Variants in ADCY10 observed in about 807,000 individuals in gnomAD.
The protein encoded by ADCY10 is adenylate cyclase type 10.
In ADCY10, 156 loss-of-function variants were observed where a neutral mutation model predicts 183.3. The ratio of observed to expected loss-of-function variants is 0.85; its 90% CI spans 0.75 to 0.97. The LOEUF is 0.97. ADCY10 is among the 50% of genes least tolerant of loss of function. ADCY10 has a pLI of 0.00. For synonymous variants in ADCY10, 645 were observed against 670.0 expected, an observed-to-expected ratio of 0.96 and a Z score of 0.58; for missense variants, 1,745 against 1,934.3, an observed-to-expected ratio of 0.90 and a Z score of 1.84.
At position 167,856,378 on chromosome 1, in the gene ADCY10, G is replaced by C. The variant is rs1395683105; in HGVS notation, c.1958C>G (p.Ser653Cys). 1 of 1,614,036 alleles carries C rather than the reference G, an allele frequency of 6.2e-7. No individual in the cohort carries two copies. The highest frequency in any genetic ancestry group is 1.3e-5 in the African/African-American group (1 of 74,912). Residue 653 changes from serine (S) to cysteine (C), a missense_variant, in exon 17 of 33, where the codon TCC becomes TGC. Coordinates refer to ENST00000367851, the MANE Select transcript of ADCY10 (RefSeq NM_018417.6). The part of the protein sequence containing the change: ...IDEAQFVDST[S>C]WRFMEKLIRT... ...GATAAGCTTCTCCATAAATCTCCAGGAGGTCGAATCCACAAACTGGGCCTC... is the reference window on the plus strand; with the variant it reads ...GATAAGCTTCTCCATAAATCTCCAGCAGGTCGAATCCACAAACTGGGCCTC...
chr1:167,829,253 C>G lies in ADCY10; in HGVS notation c.3750+14G>C, dbSNP rs1663534036. ...ATTCAGAAACTTAAAGGAGCAGCTA[C>G]AAAAATCCCCTACCTGGAAACAATT... On this transcript the variant is annotated intron_variant, in intron 26 of 32. Transcript: ENST00000367851. The G allele has an allele frequency of 6.2e-7, 1 of 1,613,690 alleles. No homozygotes were observed. The highest frequency in any genetic ancestry group is 1.7e-5 in the Admixed American group (1 of 59,996).
chr1:167,883,769 C>A (rs1227412342), intron 8 of ADCY10, 141 bp from the exon 9 acceptor site: 2 of 770,524 alleles, frequency 2.6e-6, no homozygotes, highest in Non-Finnish European at 2.3e-6. Flanking sequence ...AGCCAGCATG[C>A]CTGAAGTGGA....
intron 1 of ADCY10, among the ~76,000 whole-genome samples, chr1:167,911,534 CTT>C (rs1015134235): frequency 6.6e-6 from 1 of 152,210 alleles, no homozygotes; most frequent in Admixed American, 6.5e-5. Flanking sequence ...ACCTTTGCCT[CTT>C]TTAAAAGTTC....
At chr1:167,854,192 C>T (rs1294586838) in intron 18 of ADCY10, among the ~76,000 whole-genome samples, 161 bp downstream of exon 18, 1 of 152,132 alleles carries the variant, frequency 6.6e-6, no homozygotes, top group Non-Finnish European at 1.5e-5. Flanking sequence ...GTTAAGTTCG[C>T]TTACAATCTG....
At chr1:167,870,221 T>G (rs777347945) in intron 14 of ADCY10, 36 bp downstream of exon 14, 1 of 1,612,736 alleles carries the variant, frequency 6.2e-7, no homozygotes, top group South Asian at 1.1e-5. Context: ...CAGGATTCTA[T>G]GGGTTCACAC....
rs1558135514 is a variant in ADCY10, at chr1:167,809,524, G to A, written c.*154C>T. On this transcript the variant is annotated 3_prime_UTR_variant, in exon 33 of 33. Transcript: ENST00000367851. ...ACCATGACACTCCTGACCCTTGTAG[G>A]CCCTCCAGAAAGAGAAGAAATCAAC... 1.9e-5 allele frequency: 16 copies of A among 835,534 alleles called. No individual in the cohort carries two copies. The highest frequency in any genetic ancestry group is 2.9e-5 in the Non-Finnish European group (15 of 522,040). 51.8% of individuals were successfully genotyped at this position (835,534 alleles called of 1,614,324 possible). A position where few individuals can be genotyped will look rare whatever the true frequency, so the allele number is the denominator to read the frequency against.
intron 8 of ADCY10, among the ~76,000 whole-genome samples, chr1:167,887,649 A>T (rs1488197205): frequency 2.0e-5 from 3 of 152,178 alleles, no homozygotes; most frequent in African/African-American, 7.2e-5. Flanking sequence ...ACATAACGTA[A>T]CAAACCTGCA....
chr1:167,819,155 A>G (rs1017756139), intron 30 of ADCY10, among the ~76,000 whole-genome samples: 1 of 151,958 alleles, frequency 6.6e-6, no homozygotes. Context: ...CTTACATTGC[A>G]TGAAATACCT....
intron 18 of ADCY10, among the ~76,000 whole-genome samples, chr1:167,850,392 A>G (rs1665375606): frequency 6.6e-6 from 1 of 152,116 alleles, no homozygotes; most frequent in Non-Finnish European, 1.5e-5. Context: ...GCAATTGGAA[A>G]TATGGGTGTG....
chr1:167,848,720 T>G (rs370263922), intron 18 of ADCY10, among the ~76,000 whole-genome samples: 5 of 151,898 alleles, frequency 3.3e-5, no homozygotes, highest in East Asian at 1.9e-4. Context: ...GCGTGATCTT[T>G]GCTCACTGCA....
chr1:167,831,119 A>C (rs948870032), intron 25 of ADCY10, among the ~76,000 whole-genome samples: 3 of 152,202 alleles, frequency 2.0e-5, no homozygotes, highest in Non-Finnish European at 4.4e-5. Flanking sequence ...TTGGCAAAAT[A>C]AACTTTCTAA....
At chr1:167,830,454 T>G (rs1663637923) in intron 25 of ADCY10, among the ~76,000 whole-genome samples, 2 of 152,038 alleles carry the variant, frequency 1.3e-5, no homozygotes, top group Non-Finnish European at 2.9e-5. Context: ...TGCAGTGGCA[T>G]GATCTCAGCT....
intron 5 of ADCY10, among the ~76,000 whole-genome samples, chr1:167,899,997 C>CT (rs1415428756): frequency 1.3e-5 from 2 of 152,180 alleles, no homozygotes; most frequent in Non-Finnish European, 2.9e-5. Flanking sequence ...GAGATTGAAG[C>CT]TGTAACTAAA....
intron 14 of ADCY10, among the ~76,000 whole-genome samples, chr1:167,866,369 TAA>T (rs1338853523): frequency 6.6e-6 from 1 of 152,124 alleles, no homozygotes; most frequent in Non-Finnish European, 1.5e-5. Flanking sequence ...CTACAAAATT[TAA>T]GTCAATATTT....
chr1:167,868,768 A>T (rs769450264), intron 14 of ADCY10, among the ~76,000 whole-genome samples: 5 of 152,374 alleles, frequency 3.3e-5, no homozygotes, highest in Admixed American at 6.5e-5. Context: ...ATGATGAATG[A>T]CCACCTAAAA....
chr1:167,907,189 A>C (rs1463574531), intron 1 of ADCY10, among the ~76,000 whole-genome samples: 4 of 152,250 alleles, frequency 2.6e-5, no homozygotes, highest in African/African-American at 9.6e-5. Context: ...GATGGGCTGG[A>C]ATACCATAGA....
intron 11 of ADCY10, 80 bp from the exon 12 acceptor site, chr1:167,878,715 A>G (rs1667668059): frequency 3.5e-6 from 5 of 1,437,196 alleles, no homozygotes; most frequent in African/African-American, 1.4e-5. Context: ...TTGTCCCCAA[A>G]TAGCATTTTT....
Position 167,818,284 on chromosome 1 carries a change from GAATAAGAAA to G in ADCY10, c.4287-26_4287-18del, listed in dbSNP as rs1421407364. Reference sequence around the variant, plus strand: ...CTGGCATACCTGCATTACCACAAGAGAATAAGAAAAATCAGTATCACCCATTAGGAATAG... The same window carrying G: ...CTGGCATACCTGCATTACCACAAGAGAATCAGTATCACCCATTAGGAATAG... On this transcript the variant is annotated intron_variant, in intron 30 of 32. Coordinates refer to ENST00000367851, the MANE Select transcript of ADCY10 (RefSeq NM_018417.6). 6.2e-7 allele frequency: 1 copy of G among 1,610,094 alleles called. No homozygotes were observed. Among genetic ancestry groups the G allele is most frequent in the South Asian group, 1.1e-5 (1 of 90,966 alleles).
chr1:167,823,005 T>TA lies in ADCY10; in HGVS notation c.4168+2dup. ...TTCTTTTACATCCCAAACCCACACTTACCAGAATAAAGCAGGATGTCCAAG... is the reference window on the plus strand; with the variant it reads ...TTCTTTTACATCCCAAACCCACACTTAACCAGAATAAAGCAGGATGTCCAAG... On this transcript the variant is annotated splice_region_variant and intron_variant, in intron 29 of 32. Transcript: ENST00000367851. The TA allele has an allele frequency of 6.2e-7, 1 of 1,613,262 alleles. No homozygotes were observed. Among genetic ancestry groups the TA allele is most frequent in the African/African-American group, 1.3e-5 (1 of 74,970 alleles).
Sources: allele counts gnomAD v4.1 joint callset (sites outside exome capture counted in the v4.1 genomes callset), GRCh38; gene constraint gnomAD v4.1.1; transcripts MANE v1.5; gene names NCBI Gene and HGNC (gene_info 2026-07-23, HGNC 2026-07-21).